Variants in CENPP observed in about 807,000 individuals in gnomAD.
The protein encoded by CENPP is centromere protein P.
CENPP carries 24 observed loss-of-function variants against 35.6 expected under a neutral mutation model. The observed-to-expected ratio is 0.67, with a 90% CI of 0.49 to 0.95. The LOEUF (loss-of-function observed/expected upper bound fraction) is 0.95, where lower values mean the gene tolerates loss of function less well. Ranked by LOEUF, CENPP falls within the 40% of genes least tolerant of loss-of-function variation. CENPP has a pLI of 0.00. For missense variants in CENPP, 332 were observed against 345.3 expected (o/e 0.96, Z 0.31); for synonymous variants, 120 against 125.5 (o/e 0.96, Z 0.29).
intron 5 of CENPP, chr9:92,538,983 T>C (rs1444983709): frequency 6.6e-6 from 1 of 152,182 alleles, no homozygotes; most frequent in East Asian, 1.9e-4. Flanking sequence ...TATGACAGCT[T>C]TGTAGATATT....
At chr9:92,337,746 C>T (rs1588037326) in intron 3 of CENPP, 117 bp downstream of exon 3, 3 of 731,392 alleles carry the variant, frequency 4.1e-6, no homozygotes, top group East Asian at 5.0e-5. Flanking sequence ...CCAGGGCCCC[C>T]CCATTCATAG....
rs771755378 is a variant in CENPP, at chr9:92,502,624, T to C, written c.565-108690T>C. On this transcript the variant is annotated intron_variant, in intron 5 of 7. Transcript: ENST00000375587. The stretch of plus-strand genomic sequence containing the variant: ...ATTGAAACAAATTTCAGTTATTTCT[T>C]CAATTTGGTTATTTTCTAGGTATAA... 3.8e-6 allele frequency: 6 copies of C among 1,597,648 alleles called. No homozygotes were observed. In the South Asian group the frequency reaches 6.7e-5, roughly 18 times the overall value.
intron 5 of CENPP, among the ~76,000 whole-genome samples, chr9:92,406,182 G>A (rs1012272498): frequency 6.6e-6 from 1 of 152,154 alleles, no homozygotes; most frequent in Non-Finnish European, 1.5e-5. Context: ...CTTAGGGAGG[G>A]GATGGGGGTA....
In CENPP at chr9:92,471,661, AT is replaced by A. The variant is rs201538901; in HGVS notation, c.564+91804del. Among the ~76,000 whole-genome samples, 463 of 144,692 alleles carry A rather than the reference AT, an allele frequency of 3.2e-3. 3 individuals carry two copies. Among genetic ancestry groups the A allele is most frequent in the African/African-American group, 0.011 (436 of 39,190 alleles). 94.9% of individuals were successfully genotyped at this position (144,692 alleles called of 152,430 possible). A position where few individuals can be genotyped will look rare whatever the true frequency, so the allele number is the denominator to read the frequency against. ...ATTTCCACATACTGATTCATATATT[AT>A]TCTTTTTTTTTTTTTTTTTAACTTG... On this transcript the variant is annotated intron_variant, in intron 5 of 7. Transcript: ENST00000375587.
intron 4 of CENPP, among the ~76,000 whole-genome samples, chr9:92,352,096 A>G (rs1280440923): frequency 1.4e-5 from 2 of 148,022 alleles, no homozygotes; most frequent in East Asian, 4.0e-4. Context: ...CTGGCCATGC[A>G]CAGTGGCTCA....
intron 5 of CENPP, among the ~76,000 whole-genome samples, chr9:92,577,395 G>T (rs976129982): frequency 6.6e-6 from 1 of 152,088 alleles, no homozygotes; most frequent in African/African-American, 2.4e-5. Flanking sequence ...GGCACCTGTA[G>T]TCCTCACTAC....
At chr9:92,510,470 T>G (rs1209484338) in intron 5 of CENPP, among the ~76,000 whole-genome samples, 1 of 152,240 alleles carries the variant, frequency 6.6e-6, no homozygotes, top group Non-Finnish European at 1.5e-5. Flanking sequence ...TAAACCTCAG[T>G]TTTTTATCTA....
chr9:92,415,543 T>C (rs986151181), intron 5 of CENPP: 2 of 847,488 alleles, frequency 2.4e-6, no homozygotes, highest in African/African-American at 1.8e-5. Context: ...GCCATAATTC[T>C]ATGTTAGATT....
At chr9:92,505,631 T>G (rs199745267) in intron 5 of CENPP, 2 of 1,609,360 alleles carry the variant, frequency 1.2e-6, no homozygotes, top group Non-Finnish European at 1.7e-6. Context: ...GCTAAAGGAT[T>G]GACATTGGCT....
intron 5 of CENPP, among the ~76,000 whole-genome samples, chr9:92,599,805 A>T (rs1850866698): frequency 6.6e-6 from 1 of 152,100 alleles, no homozygotes; most frequent in Non-Finnish European, 1.5e-5. Context: ...TGTAGCTCCC[A>T]CTAGATGTTT....
chr9:92,411,560 G>T (rs567430517), intron 5 of CENPP, among the ~76,000 whole-genome samples: 1 of 152,188 alleles, frequency 6.6e-6, no homozygotes, highest in Non-Finnish European at 1.5e-5. Flanking sequence ...CTCCCAAAGT[G>T]CTGGTATTAC....
At chr9:92,600,401 A>G in intron 5 of CENPP, 1 of 1,608,778 alleles carries the variant, frequency 6.2e-7, no homozygotes, top group Non-Finnish European at 8.5e-7. Context: ...GGTCTCTTTC[A>G]ACTCTGGGTT....
chr9:92,395,762 T>C (rs1294094735), intron 5 of CENPP, among the ~76,000 whole-genome samples: 1 of 152,198 alleles, frequency 6.6e-6, no homozygotes, highest in Non-Finnish European at 1.5e-5. Context: ...CTCTGATAAC[T>C]AATGATGTTA....
intron 5 of CENPP, among the ~76,000 whole-genome samples, chr9:92,382,892 C>CTTT (rs1213731251): frequency 2.0e-4 from 14 of 69,810 alleles, no homozygotes; most frequent in African/African-American, 4.4e-4. Context: ...CACTGTTTTC[C>CTTT]TTTTTTTTTT....
intron 5 of CENPP, among the ~76,000 whole-genome samples, chr9:92,391,213 G>C (rs374308102): frequency 1.3e-5 from 2 of 151,444 alleles, no homozygotes; most frequent in East Asian, 3.9e-4. Context: ...TGGCTAACAC[G>C]GTGAAACCCC....
chr9:92,527,134 G>A (rs143941655), intron 5 of CENPP, among the ~76,000 whole-genome samples: 3 of 152,018 alleles, frequency 2.0e-5, no homozygotes, highest in Non-Finnish European at 2.9e-5. Flanking sequence ...TCAGCCTCCC[G>A]AGTAGCTGGG....
At chr9:92,496,031 G>T in intron 5 of CENPP, 1 of 1,018,844 alleles carries the variant, frequency 9.8e-7, no homozygotes, top group Non-Finnish European at 1.2e-6. Flanking sequence ...TTTTGTTCCA[G>T]ACTCTTCTGG....
intron 5 of CENPP, among the ~76,000 whole-genome samples, chr9:92,381,921 G>A (rs1441599827): frequency 6.9e-6 from 1 of 144,066 alleles, no homozygotes; most frequent in African/African-American, 2.6e-5. Flanking sequence ...TTTGGCTATA[G>A]CCAACCTAAT....
intron 5 of CENPP, among the ~76,000 whole-genome samples, chr9:92,547,007 C>T (rs1048182143): frequency 1.1e-4 from 16 of 152,062 alleles, no homozygotes; most frequent in Non-Finnish European, 1.5e-4. Flanking sequence ...GTCAGTCTCA[C>T]TAATGAACAT....
Sources: gnomAD v4.1 joint callset for allele counts (sites outside exome capture counted in the v4.1 genomes callset) on GRCh38, gnomAD v4.1.1 for gene constraint, MANE v1.5 for transcripts, NCBI Gene and HGNC (gene_info 2026-07-23, HGNC 2026-07-21) for gene names.